ZNF638: variants seen among roughly 807,000 people sequenced by gnomAD.
ZNF638 encodes the protein zinc finger protein 638.
ZNF638 carries 46 observed loss-of-function variants against 195.6 expected under a neutral mutation model. That is an observed-to-expected ratio of 0.24 (90% CI 0.19 to 0.30). ZNF638 has a LOEUF of 0.30. Among genes scored for constraint, ZNF638 ranks in the 10% least tolerant of loss-of-function variants. The pLI is 1.00. For synonymous variants in ZNF638, 845 were observed against 772.0 expected (o/e 1.09, Z -1.57); for missense variants, 2,440 against 2,325.3 (o/e 1.05, Z -1.01).
chr2:71,356,419 T>G (rs1054692581), intron 3 of ZNF638, among the ~76,000 whole-genome samples: 19 of 152,234 alleles, frequency 1.2e-4, no homozygotes, highest in Admixed American at 4.6e-4. Flanking sequence ...AAACAGTTCC[T>G]AGCCACTAGA....
Position 71,424,176 on chromosome 2 carries a change from T to C in ZNF638, c.4524+138T>C, listed in dbSNP as rs182491466. The C allele has an allele frequency of 6.8e-6, 8 of 1,171,932 alleles. No homozygotes were observed. In the Admixed American group the frequency reaches 2.0e-4, roughly 30 times the overall value. 72.6% of individuals were successfully genotyped at this position (1,171,932 alleles called of 1,614,324 possible). On this transcript the variant is annotated intron_variant, in intron 22 of 27. Transcript: ENST00000264447. ...CCCCGGAAGCTCCCATTTCCTTTTC[T>C]TAAATGATTCCATTGTTTAAGCCAG...
chr2:71,394,706 T>TA (rs1030128418), intron 10 of ZNF638, among the ~76,000 whole-genome samples: 6 of 152,192 alleles, frequency 3.9e-5, no homozygotes, highest in Admixed American at 2.0e-4. Flanking sequence ...TAGTTAATCT[T>TA]ACAGCCTTTA....
At chr2:71,400,031 T>A (rs1017401685) in intron 13 of ZNF638, 81 bp from the exon 14 acceptor site, 1 of 1,182,524 alleles carries the variant, frequency 8.5e-7, no homozygotes, top group East Asian at 2.6e-5. Context: ...AATGTCAAAC[T>A]AGCTTAAGTT....
rs764826029 is a variant in ZNF638, at chr2:71,433,217, C to G, written c.5805C>G (p.Leu1935=). Residue 1935 remains leucine, a synonymous_variant, in exon 27 of 28, where the codon CTC becomes CTG. Transcript: ENST00000264447. Reference sequence around the variant, plus strand: ...GATTCTTCTGTCCAATTTGTTCCCTCTTCTACTCAGGTGAAAAAGCAATGA... The same window carrying G: ...GATTCTTCTGTCCAATTTGTTCCCTGTTCTACTCAGGTGAAAAAGCAATGA... ...KAGFFCPICS[L]FYSGEKAMTN... is the part of the protein sequence containing the mutation. 1.2e-6 allele frequency: 2 copies of G among 1,614,158 alleles called. No homozygotes were observed. Among genetic ancestry groups the G allele is most frequent in the Admixed American group, 3.3e-5 (2 of 60,032 alleles).
chr2:71,433,570 T>C, intron 27 of ZNF638: 1 of 261,440 alleles, frequency 3.8e-6, no homozygotes, highest in Non-Finnish European at 7.3e-6. Flanking sequence ...CCTCTTGTCA[T>C]GTAGACATTA....
chr2:71,367,417 A>G (rs1369816920), intron 6 of ZNF638, among the ~76,000 whole-genome samples: 4 of 143,782 alleles, frequency 2.8e-5, no homozygotes, highest in Non-Finnish European at 4.5e-5. Context: ...CAACACACCC[A>G]GCTGGGTGTT....
intron 25 of ZNF638, 88 bp from the exon 26 acceptor site, chr2:71,431,239 G>A: frequency 1.7e-6 from 2 of 1,188,274 alleles, no homozygotes; most frequent in Non-Finnish European, 2.4e-6. Context: ...TTTTCCCTGA[G>A]AAAGAAAAAG....
chr2:71,344,730 G>C (rs2078822724), intron 1 of ZNF638, among the ~76,000 whole-genome samples: 2 of 152,140 alleles, frequency 1.3e-5, no homozygotes, highest in Admixed American at 6.5e-5. Flanking sequence ...TGACAAAGTA[G>C]AAGTGCTGTT....
chr2:71,422,096 A>G (rs1356668587), intron 21 of ZNF638, among the ~76,000 whole-genome samples: 1 of 152,168 alleles, frequency 6.6e-6, no homozygotes, highest in East Asian at 1.9e-4. Context: ...TGAATTGGGA[A>G]GGTTTATTTT....
intron 1 of ZNF638, among the ~76,000 whole-genome samples, chr2:71,347,068 T>C (rs1285474570): frequency 6.6e-6 from 1 of 152,038 alleles, no homozygotes; most frequent in East Asian, 1.9e-4. Flanking sequence ...GACTCACTCT[T>C]GGCATTGGTA....
chr2:71,402,199 C>A, intron 16 of ZNF638, 112 bp downstream of exon 16: 1 of 1,125,082 alleles, frequency 8.9e-7, no homozygotes, highest in Non-Finnish European at 1.2e-6. Context: ...TCAAAGTAAA[C>A]TTTCAAGCTA....
rs2079965844 is a variant in ZNF638, at chr2:71,399,653, T to G, written c.2587+8T>G. ...AACCTGTGACTATACCAGGTAAGCT[T>G]GAAATGTGGTCATTCAGTGCTTTGT... On this transcript the variant is annotated splice_region_variant and intron_variant, in intron 13 of 27. Transcript: ENST00000264447. 1 of 1,599,386 alleles carries G rather than the reference T, an allele frequency of 6.3e-7. No homozygotes were observed.
chr2:71,349,508 G>A lies in ZNF638; in HGVS notation c.554G>A (p.Arg185Gln), dbSNP rs554209501. The A allele has an allele frequency of 1.2e-5, 20 of 1,614,104 alleles. No individual in the cohort carries two copies. The highest frequency in any genetic ancestry group is 1.6e-4 in the Middle Eastern group (1 of 6,062). Residue 185 changes from arginine (R) to glutamine (Q), a missense_variant, in exon 2 of 28, where the codon CGA becomes CAA. Arg to Gln is a conservative substitution (Grantham distance 43, BLOSUM62 1). Coordinates refer to ENST00000264447, the MANE Select transcript of ZNF638 (RefSeq NM_014497.5). ...ATAAGAATGCGAAAAATGGGGCGCC[G>A]ATTACCTAATTTACCTTCTCAGAGC... ...RDIRMRKMGR[R>Q]LPNLPSQSRN...
chr2:71,333,070 A>G (rs2078601685), intron 1 of ZNF638: 1 of 151,498 alleles, frequency 6.6e-6, no homozygotes, highest in South Asian at 2.1e-4. Context: ...AGGATTGACC[A>G]AAAAAAGGTG....
Position 71,426,592 on chromosome 2 carries a change from T to C in ZNF638, c.4723T>C (p.Ser1575Pro). 4.3e-6 allele frequency: 7 copies of C among 1,614,148 alleles called. No individual in the cohort carries two copies. Among genetic ancestry groups the C allele is most frequent in the Non-Finnish European group, 5.9e-6 (7 of 1,180,010 alleles). The change falls in exon 24 of 28, where the codon TCT becomes CCT. Residue 1575 changes from serine (S) to proline (P), a missense_variant. Transcript: ENST00000264447. ...AGAAACTCTCAAAAATGTTCCTTTC[T>C]CTGAACTTAACTTAAAGAAGAAAAA... ...RKETLKNVPF[S>P]ELNLKKKKGK...
chr2:71,367,500 C>T (rs1466101844), intron 6 of ZNF638, among the ~76,000 whole-genome samples: 2 of 143,522 alleles, frequency 1.4e-5, no homozygotes, highest in Non-Finnish European at 3.0e-5. Context: ...GTGGCGTGAT[C>T]TTGGCTCACA....
At chr2:71,400,997 ATACAT>A (rs921925296) in intron 15 of ZNF638, among the ~76,000 whole-genome samples, 1 of 152,170 alleles carries the variant, frequency 6.6e-6, no homozygotes, top group African/African-American at 2.4e-5. Context: ...ATTATTATTA[ATACAT>A]TACAATCATT....
rs548928824 is a variant in ZNF638, at chr2:71,356,253, T to C, written c.1379+473T>C. Among the ~76,000 whole-genome samples the C allele has an allele frequency of 2.6e-5, 4 of 152,342 alleles. No homozygotes were observed. The South Asian group carries it at 8.3e-4, about 32-fold the overall frequency. ...GCTAGATGTCTTGCTTCCTTAACCT[T>C]GGCTCTTCAATTCTTCCCCCTTTTT... On this transcript the variant is annotated intron_variant, in intron 3 of 27. Transcript: ENST00000264447.
At chr2:71,357,115 G>A (rs1366122828) in intron 3 of ZNF638, among the ~76,000 whole-genome samples, 1 of 152,108 alleles carries the variant, frequency 6.6e-6, no homozygotes, top group Non-Finnish European at 1.5e-5. Context: ...GGGAGGTTCT[G>A]AGAATATATG....
Sources: gnomAD v4.1 joint callset for allele counts (sites outside exome capture counted in the v4.1 genomes callset) on GRCh38, gnomAD v4.1.1 for gene constraint, MANE v1.5 for transcripts, NCBI Gene and HGNC (gene_info 2026-07-23, HGNC 2026-07-21) for gene names.